The following LRRC73 variants were observed in gnomAD, a reference collection of about 807,000 sequenced individuals.
LRRC73 encodes the protein leucine rich repeat containing 73, also known as leucine-rich repeat-containing protein 73.
LRRC73 carries 16 observed loss-of-function variants against 26.4 expected under a neutral mutation model. The observed-to-expected ratio is 0.61, with a 90% confidence interval of 0.41 to 0.92. LRRC73 has a LOEUF of 0.92. Ranked by LOEUF, LRRC73 falls within the 40% of genes least tolerant of loss-of-function variation. LRRC73 has a pLI of 0.00. For synonymous variants in LRRC73, 210 were observed against 179.8 expected, an observed-to-expected ratio of 1.17 and a Z score of -1.34; for missense variants, 344 against 416.3, an observed-to-expected ratio of 0.83 and a Z score of 1.51.
exon 1 of LRRC73, chr6:43,509,635 C>G: frequency 6.2e-7 from 1 of 1,602,012 alleles, no homozygotes; most frequent in South Asian, 1.1e-5. Flanking sequence ...CCGGCCAGGG[C>G]CCGGCAGATG....
At chr6:43,508,736 A>T (rs1180302721) in intron 2 of LRRC73, 24 bp downstream of exon 2, 1 of 1,579,586 alleles carries the variant, frequency 6.3e-7, no homozygotes, top group South Asian at 1.1e-5. Flanking sequence ...CACTAGCCCA[A>T]GCCCTCAACA....
intron 2 of LRRC73, 119 bp from the exon 3 acceptor site, chr6:43,508,539 C>T: frequency 6.7e-7 from 1 of 1,496,446 alleles, no homozygotes; most frequent in Non-Finnish European, 9.1e-7. Flanking sequence ...TTACCCCCAC[C>T]ATAGAGGTCA....
rs201928812 is a variant in LRRC73, at chr6:43,507,725, G to C, written c.658-47C>G. 4.4e-6 allele frequency: 7 copies of C among 1,600,240 alleles called. No homozygotes were observed. In the East Asian group the frequency reaches 1.3e-4, roughly 31 times the overall value. On this transcript the variant is annotated intron_variant, in intron 4 of 5. Transcript: ENST00000372441. ...AAAAGGATGAACACAGTTAAGGCAG[G>C]TCCTCAGACCTCAACCTGCCATGCC...
chr6:43,507,795 C>T lies in LRRC73; in HGVS notation c.657+31G>A, dbSNP rs779294178. On this transcript the variant is annotated intron_variant, in intron 4 of 5. Coordinates refer to ENST00000372441, the Ensembl canonical transcript of LRRC73. ...CATAAACTAACCTCCACCCCATCCC[C>T]TGGCCGTGCCCAAACATGACGACTT... The T allele has an allele frequency of 5.6e-6, 9 of 1,609,226 alleles. No individual in the cohort carries two copies. In the South Asian group the frequency reaches 6.6e-5, roughly 12 times the overall value.
chr6:43,508,643 A>T, intron 2 of LRRC73, 117 bp downstream of exon 2: 1 of 1,439,550 alleles, frequency 6.9e-7, no homozygotes, highest in Non-Finnish European at 9.5e-7. Context: ...TCCTGAGAGG[A>T]GTAGAAAGAT....
chr6:43,509,588 G>A lies in LRRC73; in HGVS notation c.198C>T (p.Gly66=), dbSNP rs1472060028. 5 of 1,608,350 alleles carry A rather than the reference G, an allele frequency of 3.1e-6. No individual in the cohort carries two copies. The South Asian group carries it at 3.3e-5, about 11-fold the overall frequency. The change falls in exon 1 of 6, where the codon GGC becomes GGT. Residue 66 remains glycine (G), a synonymous_variant. Transcript: ENST00000372441. ...TGATGCGGCTGGGGCTGGACACGAC[G>A]CCCAGGTTAAGGTTGAGCTGCGCCA...
At chr6:43,508,571 G>A in intron 2 of LRRC73, 151 bp from the exon 3 acceptor site, 1 of 1,410,690 alleles carries the variant, frequency 7.1e-7, no homozygotes, top group Non-Finnish European at 9.7e-7. Flanking sequence ...GGAGGCCCAT[G>A]CTTCCTCTGC....
intron 4 of LRRC73, 25 bp downstream of exon 4, chr6:43,507,801 G>A (rs374472490): frequency 8.0e-5 from 128 of 1,609,532 alleles, no homozygotes; most frequent in East Asian, 6.7e-5. Flanking sequence ...TCCCCTGGCC[G>A]TGCCCAAACA....
At chr6:43,510,028 C>CCGGCTGAA in exon 1 of LRRC73, 1 of 303,578 alleles carries the variant, frequency 3.3e-6, no homozygotes. Context: ...AGGGCGCGGG[C>CCGGCTGAA]CGGGCTGAAG....
intron 3 of LRRC73, 125 bp from the exon 4 acceptor site, chr6:43,508,051 T>G: frequency 9.7e-7 from 1 of 1,031,198 alleles, no homozygotes; most frequent in Non-Finnish European, 1.4e-6. Context: ...CAATTGGTGG[T>G]GGTCAGGAAG....
exon 6 of LRRC73, chr6:43,507,094 C>T: frequency 1.2e-6 from 1 of 816,392 alleles, no homozygotes; most frequent in South Asian, 1.7e-5. Context: ...GCTTCCTTCC[C>T]ACCACACTGC....
exon 1 of LRRC73, chr6:43,509,518 G>C (rs762377405): frequency 1.2e-6 from 2 of 1,604,650 alleles, no homozygotes; most frequent in South Asian, 1.1e-5. Context: ...ACTCACAAGA[G>C]GGACTGGATG....
intron 2 of LRRC73, 31 bp downstream of exon 2, chr6:43,508,729 T>C: frequency 6.4e-7 from 1 of 1,570,968 alleles, no homozygotes; most frequent in Non-Finnish European, 8.7e-7. Context: ...ACTGCCACAC[T>C]AGCCCAAGCC....
At chr6:43,509,368 G>GA in intron 1 of LRRC73, 146 bp downstream of exon 1, 4 of 1,058,544 alleles carry the variant, frequency 3.8e-6, no homozygotes, top group Non-Finnish European at 5.3e-6. Flanking sequence ...AGGGTGCTGT[G>GA]AAGGCATGGG....
exon 1 of LRRC73, chr6:43,509,883 G>A (rs973880379): frequency 8.6e-7 from 1 of 1,165,416 alleles, no homozygotes; most frequent in Non-Finnish European, 1.1e-6. Context: ...GCCCCGGCAG[G>A]GGTCGCGGGC....
chr6:43,508,088 C>T (rs963546213), intron 3 of LRRC73, among the ~76,000 whole-genome samples, 162 bp from the exon 4 acceptor site: 1 of 152,230 alleles, frequency 6.6e-6, no homozygotes, highest in African/African-American at 2.4e-5. Context: ...TGAGTGAAGG[C>T]ACGAAGCAAG....
chr6:43,509,919 C>T (rs1389257907), exon 1 of LRRC73: 7 of 661,016 alleles, frequency 1.1e-5, no homozygotes, highest in African/African-American at 1.9e-5. Flanking sequence ...GTGGAGGCGG[C>T]GGCTGTGGCG....
chr6:43,509,989 C>T (rs1407820498), exon 1 of LRRC73: 4 of 363,846 alleles, frequency 1.1e-5, no homozygotes, highest in African/African-American at 4.3e-5. Flanking sequence ...GGGACTGAGC[C>T]GGAGCCGGCC....
chr6:43,508,962 A>ACTAT (rs1274025472), intron 1 of LRRC73, 42 bp from the exon 2 acceptor site: 1 of 1,511,104 alleles, frequency 6.6e-7, no homozygotes, highest in Non-Finnish European at 8.9e-7. Flanking sequence ...AGTCCTCCGC[A>ACTAT]CTATCTACAT....
Sources: gnomAD v4.1 joint callset for allele counts (sites outside exome capture counted in the v4.1 genomes callset) on GRCh38, gnomAD v4.1.1 for gene constraint, MANE v1.5 for transcripts, NCBI Gene and HGNC (gene_info 2026-07-23, HGNC 2026-07-21) for gene names.